The following KLHL32 variants were observed in gnomAD, a reference collection of about 807,000 sequenced individuals.
KLHL32 encodes kelch like family member 32.
In KLHL32, 35 loss-of-function variants were observed where a neutral mutation model predicts 64.8. That is an observed-to-expected ratio of 0.54 (90% CI 0.41 to 0.72). The LOEUF is 0.72. KLHL32 is among the 30% of genes least tolerant of loss of function. The pLI is 0.00. For missense variants in KLHL32, 589 were observed against 768.5 expected, an observed-to-expected ratio of 0.77 and a Z score of 2.76; for synonymous variants, 259 against 281.0, an observed-to-expected ratio of 0.92 and a Z score of 0.78.
At position 97,131,020 on chromosome 6, in the gene KLHL32, C is replaced by T. The variant is rs1799386208; in HGVS notation, c.1606+71C>T. On this transcript the variant is annotated intron_variant, in intron 9 of 10. Transcript: ENST00000369261. ...GTCACCAAACTTGTTTCATAGACAT[C>T]TTTAGGGCATCACTAAATATTAAGT... 3.9e-6 allele frequency: 5 copies of T among 1,288,316 alleles called. No homozygotes were observed. In the East Asian group the frequency reaches 1.2e-4, roughly 30 times the overall value. The allele number at this position is 1,288,316 out of a possible 1,614,324, so 79.8% of individuals were successfully genotyped here. A position where few individuals can be genotyped will look rare whatever the true frequency, so the allele number is the denominator to read the frequency against.
chr6:97,089,508 G>A (rs995745169), intron 6 of KLHL32, among the ~76,000 whole-genome samples: 29 of 152,162 alleles, frequency 1.9e-4, no homozygotes, highest in Admixed American at 1.0e-3. Context: ...GGTAGGCGCG[G>A]TGGCTTACGC....
chr6:97,035,538 TCA>T (rs1784166829), intron 3 of KLHL32, among the ~76,000 whole-genome samples: 1 of 152,140 alleles, frequency 6.6e-6, no homozygotes, highest in South Asian at 2.1e-4. Context: ...ACAAACTCTC[TCA>T]GTTTTTGTTT....
At chr6:97,106,859 C>G in intron 6 of KLHL32, among the ~76,000 whole-genome samples, 1 of 152,128 alleles carries the variant, frequency 6.6e-6, no homozygotes, top group East Asian at 1.9e-4. Flanking sequence ...AAACTCTTTA[C>G]TTGGTATCAT....
At chr6:96,985,100 G>A (rs967663891) in intron 3 of KLHL32, among the ~76,000 whole-genome samples, 1 of 152,156 alleles carries the variant, frequency 6.6e-6, no homozygotes, top group Non-Finnish European at 1.5e-5. Flanking sequence ...TTGCTTGTCT[G>A]TAACAGATTT....
chr6:97,057,625 G>C (rs60091311), intron 4 of KLHL32, among the ~76,000 whole-genome samples: 5,847 of 144,758 alleles, frequency 0.04, 160 homozygotes, highest in East Asian at 0.084. Flanking sequence ...CTTGTTTTTT[G>C]ATATTTTGGA....
chr6:96,905,143 C>T, the KLHL32 span, among the ~76,000 whole-genome samples: 3 of 151,972 alleles, frequency 2.0e-5, no homozygotes, highest in African/African-American at 7.3e-5. Flanking sequence ...CCATCTTGGC[C>T]CCAGCTACAG....
chr6:97,079,678 T>C (rs902805381), intron 5 of KLHL32, among the ~76,000 whole-genome samples: 1 of 152,158 alleles, frequency 6.6e-6, no homozygotes, highest in Non-Finnish European at 1.5e-5. Context: ...TCTTCTCTTA[T>C]TTAACTTGTC....
intron 1 of KLHL32, among the ~76,000 whole-genome samples, chr6:96,932,257 T>G (rs927346257): frequency 2.6e-4 from 6 of 22,870 alleles, no homozygotes; most frequent in Admixed American, 1.2e-3. Flanking sequence ...GGAATCAATG[T>G]TTTTTTTTTC....
At chr6:96,903,278 A>G in the KLHL32 span, among the ~76,000 whole-genome samples, 1 of 151,808 alleles carries the variant, frequency 6.6e-6, no homozygotes, top group Non-Finnish European at 1.5e-5. Flanking sequence ...AAATATATAT[A>G]CAATTATAAT....
chr6:96,965,623 T>A (rs1774365930), intron 1 of KLHL32, among the ~76,000 whole-genome samples: 2 of 152,338 alleles, frequency 1.3e-5, no homozygotes, highest in African/African-American at 4.8e-5. Context: ...CAAGTGTCCA[T>A]GCCTGTTGGA....
intron 3 of KLHL32, among the ~76,000 whole-genome samples, chr6:97,000,985 C>T (rs557643589): frequency 6.6e-6 from 1 of 152,192 alleles, no homozygotes; most frequent in African/African-American, 2.4e-5. Context: ...AAAGGCAAAA[C>T]TATGGAGACA....
chr6:96,985,638 A>G (rs1776933224), intron 3 of KLHL32, among the ~76,000 whole-genome samples: 1 of 151,992 alleles, frequency 6.6e-6, no homozygotes, highest in African/African-American at 2.4e-5. Context: ...TCCATCACTG[A>G]TACCCTTTCT....
chr6:97,127,407 G>A lies in KLHL32; in HGVS notation c.1358G>A (p.Gly453Glu). Residue 453 changes from glycine to glutamate, a missense_variant, in exon 8 of 11, where the codon GGA becomes GAA. Coordinates refer to ENST00000369261, the MANE Select transcript of KLHL32 (RefSeq NM_052904.4). Reference sequence around the variant, plus strand: ...AACACATGTTAATCCATTACAGGTGGAGTAACTAATACGGCACAATATCAG... The same window carrying A: ...AACACATGTTAATCCATTACAGGTGAAGTAACTAATACGGCACAATATCAG... ...VADGLLWISG[G>E]VTNTAQYQNR... 1 of 1,612,596 alleles carries A rather than the reference G, an allele frequency of 6.2e-7. No individual in the cohort carries two copies. The highest frequency in any genetic ancestry group is 8.5e-7 in the Non-Finnish European group (1 of 1,178,780).
At chr6:97,070,841 C>T (rs1790600026) in intron 5 of KLHL32, among the ~76,000 whole-genome samples, 1 of 152,042 alleles carries the variant, frequency 6.6e-6, no homozygotes, top group Non-Finnish European at 1.5e-5. Context: ...TCACTGAGTT[C>T]CATTATTAAT....
intron 5 of KLHL32, 122 bp from the exon 6 acceptor site, chr6:97,085,004 G>A: frequency 1.5e-6 from 1 of 686,418 alleles, no homozygotes; most frequent in East Asian, 2.7e-5. Context: ...TTTTATACTA[G>A]CCCTCCCATT....
intron 1 of KLHL32, among the ~76,000 whole-genome samples, chr6:96,938,432 C>G (rs762166647): frequency 6.6e-6 from 1 of 152,178 alleles, no homozygotes; most frequent in African/African-American, 2.4e-5. Flanking sequence ...CTTCTGGGCT[C>G]CACCTTCCGG....
intron 10 of KLHL32, among the ~76,000 whole-genome samples, chr6:97,133,343 T>G (rs1194535667): frequency 6.6e-6 from 1 of 152,220 alleles, no homozygotes; most frequent in Admixed American, 6.5e-5. Flanking sequence ...ATTCATAGTA[T>G]TATTCCTATT....
intron 3 of KLHL32, among the ~76,000 whole-genome samples, chr6:97,030,376 C>T (rs543366204): frequency 2.1e-3 from 325 of 152,318 alleles, no homozygotes; most frequent in Non-Finnish European, 3.8e-3. Flanking sequence ...ACTCAATTTG[C>T]ATCACTTCTG....
At chr6:97,036,703 G>T (rs1485511453) in intron 3 of KLHL32, among the ~76,000 whole-genome samples, 1 of 152,198 alleles carries the variant, frequency 6.6e-6, no homozygotes, top group African/African-American at 2.4e-5. Flanking sequence ...GGTGCATGGG[G>T]GTGCCAGGTC....
Sources: allele counts gnomAD v4.1 joint callset (sites outside exome capture counted in the v4.1 genomes callset), GRCh38; gene constraint gnomAD v4.1.1; transcripts MANE v1.5; gene names NCBI Gene and HGNC (gene_info 2026-07-23, HGNC 2026-07-21).